Variants in EXOC4 observed in about 807,000 individuals in gnomAD.
EXOC4 encodes the protein SEC8-like 1.
EXOC4 carries 71 observed loss-of-function variants against 107.2 expected under a neutral mutation model. The observed-to-expected ratio is 0.66, with a 90% CI of 0.55 to 0.81. The LOEUF is 0.81. Among genes scored for constraint, EXOC4 ranks in the 30% least tolerant of loss-of-function variants. EXOC4 has a pLI of 0.00. For synonymous variants in EXOC4, 456 were observed against 441.2 expected (o/e 1.03, Z -0.42); for missense variants, 1,108 against 1,189.6 (o/e 0.93, Z 1.01).
At position 133,304,082 on chromosome 7, in the gene EXOC4, G is replaced by C. The variant is rs180839901; in HGVS notation, c.472-1795G>C. ...ATGTACATTCCTACAAACAAATCAA[G>C]TGTGGATGTGCAGTGGGTGGTTTTT... On this transcript the variant is annotated intron_variant, in intron 3 of 17. Transcript: ENST00000253861. 3.7e-4 allele frequency among the ~76,000 whole-genome samples: 56 copies of C among 152,304 alleles called. No individual in the cohort carries two copies. In the East Asian group the frequency reaches 4.0e-3, roughly 11 times the overall value.
intron 9 of EXOC4, among the ~76,000 whole-genome samples, chr7:133,519,176 A>C (rs902153980): frequency 6.6e-6 from 1 of 152,074 alleles, no homozygotes; most frequent in Non-Finnish European, 1.5e-5. Flanking sequence ...GCAATTTGGG[A>C]GGCTGAGGTG....
chr7:133,927,013 A>G (rs1236610414), intron 13 of EXOC4, among the ~76,000 whole-genome samples: 2 of 152,148 alleles, frequency 1.3e-5, no homozygotes, highest in Admixed American at 1.3e-4. Flanking sequence ...GCAGGTTTGC[A>G]CTTTTACTTT....
At chr7:133,755,335 T>C (rs1408787704) in intron 10 of EXOC4, among the ~76,000 whole-genome samples, 2 of 101,158 alleles carry the variant, frequency 2.0e-5, no homozygotes, top group Non-Finnish European at 4.0e-5. Context: ...AATATATATA[T>C]ACACATCTCT....
chr7:133,399,943 A>T (rs1209517677), intron 7 of EXOC4, among the ~76,000 whole-genome samples: 1 of 152,214 alleles, frequency 6.6e-6, no homozygotes, highest in Non-Finnish European at 1.5e-5. Context: ...AGTTAAGTAG[A>T]GGTCAGATAT....
intron 15 of EXOC4, among the ~76,000 whole-genome samples, chr7:134,004,468 TTAAGATCTATAAACTCG>T (rs1343741374): frequency 6.6e-6 from 1 of 152,200 alleles, no homozygotes; most frequent in Non-Finnish European, 1.5e-5. Flanking sequence ...CCTTACACTT[TTAAGATCTATAAACTCG>T]GCCTCTCATC....
At chr7:133,539,517 A>C (rs1324477677) in intron 9 of EXOC4, among the ~76,000 whole-genome samples, 1 of 151,294 alleles carries the variant, frequency 6.6e-6, no homozygotes, top group Non-Finnish European at 1.5e-5. Flanking sequence ...TCTCAGTTGC[A>C]TTCTCTTCCA....
At chr7:133,556,509 A>C (rs575266657) in intron 9 of EXOC4, among the ~76,000 whole-genome samples, 1 of 152,212 alleles carries the variant, frequency 6.6e-6, no homozygotes, top group Non-Finnish European at 1.5e-5. Flanking sequence ...ACACTGTCCA[A>C]AAAGAAATAG....
intron 5 of EXOC4, among the ~76,000 whole-genome samples, chr7:133,341,762 T>G (rs1795665355): frequency 6.6e-6 from 1 of 152,180 alleles, no homozygotes; most frequent in South Asian, 2.1e-4. Flanking sequence ...CCTGTTGGAT[T>G]AGTCCTTTTA....
intron 11 of EXOC4, among the ~76,000 whole-genome samples, chr7:133,826,840 C>T (rs919581145): frequency 3.9e-5 from 6 of 152,030 alleles, no homozygotes; most frequent in Non-Finnish European, 8.8e-5. Flanking sequence ...TACAAAAAAT[C>T]AAGAAAAAAA....
chr7:133,718,725 T>C (rs1413678852), intron 10 of EXOC4, among the ~76,000 whole-genome samples: 2 of 152,040 alleles, frequency 1.3e-5, no homozygotes, highest in Admixed American at 1.3e-4. Context: ...TAGTGAGGAT[T>C]AAATAAAATA....
intron 11 of EXOC4, among the ~76,000 whole-genome samples, chr7:133,821,500 G>C (rs1004815321): frequency 6.6e-6 from 1 of 152,168 alleles, no homozygotes; most frequent in East Asian, 1.9e-4. Flanking sequence ...TTAGCATTTT[G>C]ACATTGTCTG....
chr7:133,568,791 A>G (rs1231233350), intron 9 of EXOC4, among the ~76,000 whole-genome samples: 1 of 152,200 alleles, frequency 6.6e-6, no homozygotes, highest in Non-Finnish European at 1.5e-5. Flanking sequence ...GGGAAAGAAC[A>G]GGACTCAGAA....
intron 10 of EXOC4, among the ~76,000 whole-genome samples, chr7:133,704,009 C>A (rs1448609829): frequency 6.6e-6 from 1 of 152,204 alleles, no homozygotes; most frequent in African/African-American, 2.4e-5. Flanking sequence ...ATTTTCAGTT[C>A]ATCTTGATAG....
At chr7:134,075,207 C>G in the EXOC4 span, among the ~76,000 whole-genome samples, 2 of 152,192 alleles carry the variant, frequency 1.3e-5, no homozygotes, top group Non-Finnish European at 2.9e-5. Context: ...GAATTACATG[C>G]ATACAGCATG....
intron 11 of EXOC4, among the ~76,000 whole-genome samples, chr7:133,830,017 C>T (rs1345475449): frequency 6.6e-6 from 1 of 152,080 alleles, no homozygotes; most frequent in Non-Finnish European, 1.5e-5. Context: ...AGCTATTCCC[C>T]TGATGGATGG....
At position 133,817,145 on chromosome 7, in the gene EXOC4, A is replaced by G. The variant is rs1241897272; in HGVS notation, c.1515-180A>G. Among the ~76,000 whole-genome samples the G allele has an allele frequency of 2.0e-5, 3 of 152,004 alleles. No individual in the cohort carries two copies. In the East Asian group the frequency reaches 5.8e-4, roughly 29 times the overall value. On this transcript the variant is annotated intron_variant, in intron 10 of 17. Coordinates refer to ENST00000253861, the MANE Select transcript of EXOC4 (RefSeq NM_021807.4). ...ATGTTTTCTGTTTCATCCTATTTCT[A>G]TTCAATTAGTGGAGTAATTTAGATT...
chr7:133,329,057 A>G (rs1292823634), intron 5 of EXOC4, among the ~76,000 whole-genome samples: 4 of 152,186 alleles, frequency 2.6e-5, no homozygotes, highest in South Asian at 2.1e-4. Context: ...AGGTACACCA[A>G]TCAAATGTAG....
At chr7:133,857,419 C>T (rs530592779) in intron 11 of EXOC4, among the ~76,000 whole-genome samples, 1 of 126,764 alleles carries the variant, frequency 7.9e-6, no homozygotes, top group South Asian at 2.5e-4. Flanking sequence ...CAGGATCCTT[C>T]GGGTGTCACT....
intron 12 of EXOC4, among the ~76,000 whole-genome samples, chr7:133,897,780 T>G (rs1002311003): frequency 2.0e-5 from 3 of 152,152 alleles, no homozygotes; most frequent in Admixed American, 1.3e-4. Context: ...TATGAATACA[T>G]TATGAAATGA....
Sources: gnomAD v4.1 joint callset for allele counts (sites outside exome capture counted in the v4.1 genomes callset) on GRCh38, gnomAD v4.1.1 for gene constraint, MANE v1.5 for transcripts, NCBI Gene and HGNC (gene_info 2026-07-23, HGNC 2026-07-21) for gene names.